WARS2: variants seen among roughly 807,000 people sequenced by gnomAD.
WARS2 encodes the protein tryptophanyl tRNA synthetase 2, mitochondrial.
Under a neutral mutation model 36.5 loss-of-function variants are expected in WARS2, and 28 were observed. The observed-to-expected ratio is 0.77, with a 90% CI of 0.57 to 1.05. The LOEUF (loss-of-function observed/expected upper bound fraction) is 1.05. Ranked by LOEUF, WARS2 falls within the 50% of genes least tolerant of loss-of-function variation. The pLI is 0.00. For synonymous variants in WARS2, 174 were observed against 178.4 expected (o/e 0.98, Z 0.20); for missense variants, 435 against 456.8 (o/e 0.95, Z 0.44).
intron 2 of WARS2, among the ~76,000 whole-genome samples, chr1:119,070,179 T>C (rs1162858143): frequency 6.6e-6 from 1 of 152,218 alleles, no homozygotes; most frequent in Non-Finnish European, 1.5e-5. Flanking sequence ...TAGTGAAAGA[T>C]AACAGTAATA....
intron 1 of WARS2, among the ~76,000 whole-genome samples, chr1:119,134,131 T>C (rs1011371286): frequency 4.6e-5 from 7 of 151,564 alleles, no homozygotes; most frequent in African/African-American, 1.7e-4. Flanking sequence ...CCAAGGTCAT[T>C]CAGGGCTCCA....
chr1:119,081,829 A>C (rs1652214916), intron 1 of WARS2, among the ~76,000 whole-genome samples: 1 of 152,116 alleles, frequency 6.6e-6, no homozygotes, highest in Admixed American at 6.6e-5. Flanking sequence ...AACAGAGAAG[A>C]CCCGGCGTGA....
At chr1:119,135,711 TAGAC>T (rs1232135730) in intron 1 of WARS2, among the ~76,000 whole-genome samples, 10 of 123,158 alleles carry the variant, frequency 8.1e-5, no homozygotes, top group African/African-American at 2.4e-4. Context: ...ATAGATTAGA[TAGAC>T]AGATAGATAG....
chr1:119,110,918 C>G (rs1654584957), intron 1 of WARS2, among the ~76,000 whole-genome samples: 1 of 152,104 alleles, frequency 6.6e-6, no homozygotes, highest in Non-Finnish European at 1.5e-5. Flanking sequence ...TATGTCCACC[C>G]TACTAATGAA....
intron 1 of WARS2, among the ~76,000 whole-genome samples, chr1:119,088,952 C>T (rs973150902): frequency 6.6e-6 from 1 of 152,148 alleles, no homozygotes; most frequent in African/African-American, 2.4e-5. Context: ...AACACTCGAG[C>T]ACTGTAAGTG....
At chr1:119,055,723 G>A (rs183090668) in intron 2 of WARS2, among the ~76,000 whole-genome samples, 168 of 150,652 alleles carry the variant, frequency 1.1e-3, no homozygotes, top group Non-Finnish European at 1.9e-3. Context: ...GAGAGAAGGA[G>A]GAGGAGGAGA....
Sources: allele counts gnomAD v4.1 joint callset (sites outside exome capture counted in the v4.1 genomes callset), GRCh38; gene constraint gnomAD v4.1.1; transcripts MANE v1.5; gene names NCBI Gene and HGNC (gene_info 2026-07-23, HGNC 2026-07-21).